CYRIB: variants seen among roughly 807,000 people sequenced by gnomAD.
The protein encoded by CYRIB is CYFIP related Rac1 interactor B, also known as CYFIP-related Rac1 interactor B.
CYRIB carries 8 observed loss-of-function variants against 44.2 expected under a neutral mutation model. The observed-to-expected ratio is 0.18, with a 90% CI of 0.11 to 0.33. CYRIB has a LOEUF of 0.33. Ranked by LOEUF, CYRIB falls within the 10% of genes least tolerant of loss-of-function variation. The pLI is 1.00. For synonymous variants in CYRIB, 131 were observed against 127.2 expected, an observed-to-expected ratio of 1.03 and a Z score of -0.20; for missense variants, 185 against 382.8, an observed-to-expected ratio of 0.48 and a Z score of 4.31.
At chr8:130,014,426 C>A (rs1302362288) in intron 1 of CYRIB, among the ~76,000 whole-genome samples, 1 of 152,126 alleles carries the variant, frequency 6.6e-6, no homozygotes, top group Non-Finnish European at 1.5e-5. Flanking sequence ...ATGCGTGAGA[C>A]CCTGTCAAAA....
chr8:129,928,845 C>G (rs1445254876), intron 1 of CYRIB, among the ~76,000 whole-genome samples: 2 of 152,096 alleles, frequency 1.3e-5, no homozygotes, highest in Admixed American at 1.3e-4. Context: ...TCATACACTA[C>G]TGGTAGGACA....
intron 1 of CYRIB, among the ~76,000 whole-genome samples, chr8:129,975,311 C>T (rs1280721157): frequency 6.6e-6 from 1 of 152,134 alleles, no homozygotes; most frequent in African/African-American, 2.4e-5. Flanking sequence ...CCACTGTGCC[C>T]GAAACAGATG....
At chr8:129,888,594 G>A (rs943366030) in intron 2 of CYRIB, among the ~76,000 whole-genome samples, 29 of 151,948 alleles carry the variant, frequency 1.9e-4, no homozygotes, top group African/African-American at 6.8e-4. Flanking sequence ...ACCTATAAAT[G>A]CCCCTTCCAT....
chr8:129,959,980 C>A (rs1467253478), intron 2 of CYRIB, among the ~76,000 whole-genome samples: 1 of 152,192 alleles, frequency 6.6e-6, no homozygotes, highest in Non-Finnish European at 1.5e-5. Flanking sequence ...CTGGGAGGAT[C>A]TTAAGGAAAG....
chr8:129,931,002 T>C (rs1404340233), intron 1 of CYRIB, among the ~76,000 whole-genome samples: 1 of 152,128 alleles, frequency 6.6e-6, no homozygotes, highest in Non-Finnish European at 1.5e-5. Flanking sequence ...TATCTAACAT[T>C]TAAATAAAAA....
intron 1 of CYRIB, among the ~76,000 whole-genome samples, chr8:130,006,616 G>GTATATATATATACACATATA (rs1354562582): frequency 0.017 from 53 of 3,192 alleles, no homozygotes; most frequent in Admixed American, 0.03. Context: ...ACATATATAT[G>GTATATATATATACACATATA]TGTATATATA....
At chr8:129,936,941 T>A (rs2129696912) in intron 1 of CYRIB, among the ~76,000 whole-genome samples, 1 of 152,210 alleles carries the variant, frequency 6.6e-6, no homozygotes, top group South Asian at 2.1e-4. Flanking sequence ...TCTCCTGACC[T>A]CGTGATCCGC....
intron 1 of CYRIB, among the ~76,000 whole-genome samples, chr8:129,929,708 A>G (rs1264818981): frequency 1.3e-5 from 2 of 152,210 alleles, no homozygotes; most frequent in African/African-American, 4.8e-5. Context: ...TCCCCATTAT[A>G]TAAGTGATTT....
At chr8:129,886,781 G>C (rs2062938908) in intron 2 of CYRIB, among the ~76,000 whole-genome samples, 2 of 151,880 alleles carry the variant, frequency 1.3e-5, no homozygotes, top group South Asian at 4.2e-4. Flanking sequence ...TTTATCATTA[G>C]CTTAAAGGGC....
intron 1 of CYRIB, among the ~76,000 whole-genome samples, chr8:129,925,928 C>T (rs1438626226): frequency 6.6e-6 from 1 of 152,184 alleles, no homozygotes; most frequent in African/African-American, 2.4e-5. Context: ...AAAACGTTTC[C>T]AATTTCTAAC....
intron 2 of CYRIB, among the ~76,000 whole-genome samples, chr8:129,894,859 T>C (rs2067135330): frequency 6.6e-6 from 1 of 151,896 alleles, no homozygotes; most frequent in Non-Finnish European, 1.5e-5. Flanking sequence ...TGGTAAGTTT[T>C]CCTAACTTAA....
rs1010277661 is a variant in CYRIB, at chr8:129,895,759, G to C, written c.-11+7553C>G. 2.3e-4 allele frequency among the ~76,000 whole-genome samples: 35 copies of C among 152,136 alleles called. 1 individual carries two copies. The highest frequency in any genetic ancestry group is 7.7e-4 in the African/African-American group (32 of 41,520). On this transcript the variant is annotated intron_variant, in intron 2 of 11. Coordinates refer to ENST00000519824, the Ensembl canonical transcript of CYRIB. ...GGGTGAATGAATAAATTTGAAACAC[G>C]GTCTTGCTCTGTTGCCCAGGCTGGT...
chr8:129,875,134 A>C (rs993811958), intron 3 of CYRIB, among the ~76,000 whole-genome samples: 1 of 152,238 alleles, frequency 6.6e-6, no homozygotes, highest in Non-Finnish European at 1.5e-5. Context: ...CAAGAACTAG[A>C]ATTTAGTGAG....
chr8:129,974,513 G>A (rs2095838742), intron 1 of CYRIB, among the ~76,000 whole-genome samples: 1 of 152,050 alleles, frequency 6.6e-6, no homozygotes, highest in African/African-American at 2.4e-5. Context: ...ACCAGGAATT[G>A]TTTTAGGGAT....
chr8:129,931,733 T>G (rs890360316), intron 1 of CYRIB, among the ~76,000 whole-genome samples: 2 of 152,116 alleles, frequency 1.3e-5, no homozygotes, highest in Middle Eastern at 3.4e-3. Flanking sequence ...TTCCAGTGAT[T>G]CTTTTGCCTC....
intron 1 of CYRIB, chr8:129,912,293 G>T (rs2078440425): frequency 6.6e-6 from 1 of 151,846 alleles, no homozygotes; most frequent in African/African-American, 2.4e-5. Flanking sequence ...ATATATATAT[G>T]CTCCAAAATT....
intron 1 of CYRIB, among the ~76,000 whole-genome samples, chr8:129,932,901 T>A (rs2091931070): frequency 2.0e-5 from 3 of 151,914 alleles, no homozygotes; most frequent in African/African-American, 4.8e-5. Flanking sequence ...ATGAACAGGG[T>A]GGAATTAATG....
chr8:129,989,899 G>A (rs1054751502), intron 1 of CYRIB, among the ~76,000 whole-genome samples: 16 of 150,592 alleles, frequency 1.1e-4, no homozygotes, highest in African/African-American at 2.9e-4. Context: ...GAGGTGTTTG[G>A]TTTCTTGTCC....
At chr8:129,889,722 G>A (rs2064303498) in intron 2 of CYRIB, among the ~76,000 whole-genome samples, 1 of 152,036 alleles carries the variant, frequency 6.6e-6, no homozygotes. Flanking sequence ...TGACTGAATA[G>A]CTGCAATCTT....
Sources: allele counts gnomAD v4.1 joint callset (sites outside exome capture counted in the v4.1 genomes callset), GRCh38; gene constraint gnomAD v4.1.1; transcripts MANE v1.5; gene names NCBI Gene and HGNC (gene_info 2026-07-23, HGNC 2026-07-21).